Variants in NRXN3 observed in about 807,000 individuals in gnomAD.
NRXN3 encodes the protein neurexin III.
NRXN3 carries 32 observed loss-of-function variants against 137.6 expected under a neutral mutation model. That is an observed-to-expected ratio of 0.23 (90% CI 0.18 to 0.31). The LOEUF is 0.31. Among genes scored for constraint, NRXN3 ranks in the 10% least tolerant of loss-of-function variants. The pLI is 1.00. For synonymous variants in NRXN3, 798 were observed against 784.5 expected, an observed-to-expected ratio of 1.02 and a Z score of -0.29; for missense variants, 1,574 against 2,062.5, an observed-to-expected ratio of 0.76 and a Z score of 4.59.
At chr14:78,324,322 G>A (rs2079773855) in intron 4 of NRXN3, among the ~76,000 whole-genome samples, 1 of 152,030 alleles carries the variant, frequency 6.6e-6, no homozygotes, top group Admixed American at 6.5e-5. Flanking sequence ...CATTGCTGTG[G>A]GTACTAGGAC....
At chr14:78,506,080 A>G (rs578115555) in intron 4 of NRXN3, among the ~76,000 whole-genome samples, 2 of 152,292 alleles carry the variant, frequency 1.3e-5, no homozygotes, top group South Asian at 4.1e-4. Context: ...GCAGATCTCT[A>G]AAATTTATTC....
intron 8 of NRXN3, among the ~76,000 whole-genome samples, chr14:78,757,833 G>A (rs563979570): frequency 8.5e-5 from 13 of 152,224 alleles, no homozygotes; most frequent in Admixed American, 7.9e-4. Context: ...GGCAAAATTG[G>A]GTGAAGGGCA....
At chr14:79,828,955 G>T (rs913570389) in intron 20 of NRXN3, among the ~76,000 whole-genome samples, 1 of 152,078 alleles carries the variant, frequency 6.6e-6, no homozygotes, top group Admixed American at 6.6e-5. Flanking sequence ...AGGAAGTGGA[G>T]ATCAACTATT....
At chr14:78,190,428 C>T (rs564480527) in intron 1 of NRXN3, among the ~76,000 whole-genome samples, 35 of 152,220 alleles carry the variant, frequency 2.3e-4, no homozygotes, top group African/African-American at 8.2e-4. Flanking sequence ...CTGTGACAGC[C>T]GATGCCCATC....
At chr14:79,827,947 T>C (rs2099310375) in intron 20 of NRXN3, among the ~76,000 whole-genome samples, 1 of 152,062 alleles carries the variant, frequency 6.6e-6, no homozygotes, top group African/African-American at 2.4e-5. Flanking sequence ...TTGCCCGCCT[T>C]GGTCAATTAA....
intron 16 of NRXN3, among the ~76,000 whole-genome samples, chr14:79,635,251 G>A (rs991268922): frequency 1.3e-5 from 2 of 152,152 alleles, no homozygotes; most frequent in African/African-American, 4.8e-5. Flanking sequence ...AGAGAAACAT[G>A]AGCTAAAAAG....
At chr14:79,441,415 T>G (rs968698070) in intron 15 of NRXN3, among the ~76,000 whole-genome samples, 1 of 137,764 alleles carries the variant, frequency 7.3e-6, no homozygotes, top group African/African-American at 2.7e-5. Flanking sequence ...AGTCTCGCTC[T>G]GTTGTCCAGG....
intron 4 of NRXN3, among the ~76,000 whole-genome samples, chr14:78,344,122 A>G (rs1306317314): frequency 6.6e-6 from 1 of 152,228 alleles, no homozygotes; most frequent in Non-Finnish European, 1.5e-5. Flanking sequence ...TTTGGCTCCA[A>G]GCAGGCTTGC....
At chr14:78,883,257 G>A (rs1596927870) in intron 10 of NRXN3, among the ~76,000 whole-genome samples, 1 of 152,182 alleles carries the variant, frequency 6.6e-6, no homozygotes, top group African/African-American at 2.4e-5. Flanking sequence ...TAATGTAGAT[G>A]TGTTTACAGA....
chr14:79,359,479 T>A (rs917011179), intron 15 of NRXN3, among the ~76,000 whole-genome samples: 5 of 152,148 alleles, frequency 3.3e-5, no homozygotes, highest in African/African-American at 1.2e-4. Flanking sequence ...GAGGTCTAGA[T>A]TTCTACATAT....
At chr14:79,833,130 G>C (rs1180592463) in intron 20 of NRXN3, among the ~76,000 whole-genome samples, 2 of 152,124 alleles carry the variant, frequency 1.3e-5, no homozygotes, top group Non-Finnish European at 2.9e-5. Context: ...ATGATAAGTT[G>C]TTTGGATCAC....
intron 2 of NRXN3, among the ~76,000 whole-genome samples, chr14:78,265,526 A>G (rs1303342486): frequency 6.6e-6 from 1 of 152,166 alleles, no homozygotes. Flanking sequence ...TCTATTTAAT[A>G]TAAAAGAAAT....
intron 15 of NRXN3, among the ~76,000 whole-genome samples, chr14:79,320,250 T>C (rs1182929127): frequency 6.6e-6 from 1 of 152,206 alleles, no homozygotes; most frequent in African/African-American, 2.4e-5. Flanking sequence ...TCATTAAACA[T>C]GCAAATATCC....
chr14:79,602,014 A>T (rs570798389), intron 16 of NRXN3, among the ~76,000 whole-genome samples: 1 of 152,188 alleles, frequency 6.6e-6, no homozygotes, highest in African/African-American at 2.4e-5. Context: ...AGACTTTTAT[A>T]AAAAGTCTGA....
At chr14:79,727,373 C>G (rs774248278) in intron 19 of NRXN3, among the ~76,000 whole-genome samples, 3 of 152,046 alleles carry the variant, frequency 2.0e-5, no homozygotes, top group Non-Finnish European at 4.4e-5. Context: ...TCAGGGATAC[C>G]GATGTTAATT....
At chr14:79,093,793 C>T (rs1595887097) in intron 15 of NRXN3, among the ~76,000 whole-genome samples, 1 of 102,886 alleles carries the variant, frequency 9.7e-6, no homozygotes, top group East Asian at 3.1e-4. Flanking sequence ...GAGGCTGGAG[C>T]TTGCTCACCC....
At chr14:78,968,457 A>C in intron 14 of NRXN3, 111 bp downstream of exon 14, 94 of 924,910 alleles carry the variant, frequency 1.0e-4, no homozygotes, top group Non-Finnish European at 1.4e-4. Flanking sequence ...TCTCATTCTC[A>C]TTTGCCACGT....
intron 8 of NRXN3, among the ~76,000 whole-genome samples, chr14:78,754,837 T>TTC (rs2098660433): frequency 1.4e-5 from 2 of 142,124 alleles, no homozygotes; most frequent in African/African-American, 5.0e-5. Flanking sequence ...AGTATACACT[T>TTC]TTTTTTTTTT....
intron 19 of NRXN3, among the ~76,000 whole-genome samples, chr14:79,727,678 T>TTTTAC (rs530086688): frequency 9.5e-4 from 145 of 152,350 alleles, no homozygotes; most frequent in African/African-American, 3.3e-3. Context: ...TTCTCTTTCC[T>TTTTAC]TTTACTTTAC....
Sources: allele counts gnomAD v4.1 joint callset (sites outside exome capture counted in the v4.1 genomes callset), GRCh38; gene constraint gnomAD v4.1.1; transcripts MANE v1.5; gene names NCBI Gene and HGNC (gene_info 2026-07-23, HGNC 2026-07-21).